The following XYLT1 variants were observed in gnomAD, a reference collection of about 807,000 sequenced individuals.
XYLT1 encodes xylosyltransferase 1, also known as beta-D-xylosyltransferase 1.
Under a neutral mutation model 91.3 loss-of-function variants are expected in XYLT1, and 36 were observed. The ratio of observed to expected loss-of-function variants is 0.39; its 90% CI spans 0.30 to 0.52. The LOEUF is 0.52. Ranked by LOEUF, XYLT1 falls within the 20% of genes least tolerant of loss-of-function variation. XYLT1 has a pLI of 0.68. For missense variants in XYLT1, 1,242 were observed against 1,284.5 expected (o/e 0.97, Z 0.51); for synonymous variants, 588 against 532.0 (o/e 1.11, Z -1.45).
chr16:17,158,948 C>G (rs374743116), intron 5 of XYLT1, 39 bp from the exon 6 acceptor site: 44 of 1,573,434 alleles, frequency 2.8e-5, no homozygotes, highest in Non-Finnish European at 3.6e-5. Context: ...GGCCAGACAC[C>G]GTGGGTACTG....
intron 3 of XYLT1, among the ~76,000 whole-genome samples, chr16:17,248,124 G>A (rs1321426715): frequency 6.6e-6 from 1 of 152,152 alleles, no homozygotes; most frequent in Non-Finnish European, 1.5e-5. Context: ...AATCATGGGG[G>A]TGAGTTTTTC....
intron 1 of XYLT1, among the ~76,000 whole-genome samples, chr16:17,405,389 G>T (rs1036410103): frequency 6.6e-6 from 1 of 152,310 alleles, no homozygotes; most frequent in Non-Finnish European, 1.5e-5. Context: ...ATCCGTGCTC[G>T]CAGCAGCCAA....
At chr16:17,298,648 C>G (rs1157676012) in intron 2 of XYLT1, among the ~76,000 whole-genome samples, 1 of 152,192 alleles carries the variant, frequency 6.6e-6, no homozygotes, top group Non-Finnish European at 1.5e-5. Context: ...TGGCCTCAGT[C>G]TTCACCCGGC....
chr16:17,147,201 G>GC (rs776942571), intron 6 of XYLT1, among the ~76,000 whole-genome samples: 3 of 152,144 alleles, frequency 2.0e-5, no homozygotes, highest in Non-Finnish European at 4.4e-5. Context: ...ATCAAAGGAA[G>GC]CCCCTGAGTT....
chr16:17,129,529 G>A (rs2030392604), intron 9 of XYLT1, among the ~76,000 whole-genome samples: 2 of 152,170 alleles, frequency 1.3e-5, no homozygotes, highest in Non-Finnish European at 2.9e-5. Flanking sequence ...GCCTCCCAAA[G>A]TGCTGGGATT....
chr16:17,425,716 T>C (rs1248835857), intron 1 of XYLT1, among the ~76,000 whole-genome samples: 4 of 152,216 alleles, frequency 2.6e-5, no homozygotes, highest in African/African-American at 4.8e-5. Flanking sequence ...ATGGTTTTCT[T>C]TCCCCCAGCA....
intron 2 of XYLT1, among the ~76,000 whole-genome samples, chr16:17,263,573 C>G (rs16968658): frequency 0.021 from 3,200 of 151,860 alleles, 108 homozygotes; most frequent in African/African-American, 0.072. Context: ...GATACTAGAT[C>G]GCTTCCAGAA....
chr16:17,409,189 G>A (rs2036074300), intron 1 of XYLT1, among the ~76,000 whole-genome samples: 1 of 152,186 alleles, frequency 6.6e-6, no homozygotes, highest in South Asian at 2.1e-4. Flanking sequence ...AACAGGTCAA[G>A]CTCCAACTTG....
intron 5 of XYLT1, among the ~76,000 whole-genome samples, chr16:17,189,286 G>A (rs992167355): frequency 1.3e-5 from 2 of 152,172 alleles, no homozygotes; most frequent in African/African-American, 4.8e-5. Context: ...AATCACTGAA[G>A]TTTCTTTCCC....
chr16:17,419,804 G>T (rs548074524), intron 1 of XYLT1, among the ~76,000 whole-genome samples: 1 of 152,274 alleles, frequency 6.6e-6, no homozygotes, highest in South Asian at 2.1e-4. Flanking sequence ...TTGAAAGAGA[G>T]GGAGCCTGCT....
intron 1 of XYLT1, among the ~76,000 whole-genome samples, chr16:17,358,940 T>A (rs2035344288): frequency 6.6e-6 from 1 of 152,158 alleles, no homozygotes; most frequent in Admixed American, 6.5e-5. Context: ...TCATTCACTC[T>A]GTACAAAAGC....
intron 2 of XYLT1, among the ~76,000 whole-genome samples, chr16:17,311,783 G>C (rs560097803): frequency 2.1e-5 from 3 of 141,084 alleles, no homozygotes; most frequent in African/African-American, 7.6e-5. Context: ...CAAGTGGCTG[G>C]GGAGGCCGCA....
At chr16:17,175,223 C>G (rs2031914985) in intron 5 of XYLT1, among the ~76,000 whole-genome samples, 3 of 152,134 alleles carry the variant, frequency 2.0e-5, no homozygotes, top group African/African-American at 7.2e-5. Flanking sequence ...ACGCTATCCA[C>G]CTAATCCTCA....
At chr16:17,225,516 C>T (rs1183363575) in intron 3 of XYLT1, among the ~76,000 whole-genome samples, 1 of 152,110 alleles carries the variant, frequency 6.6e-6, no homozygotes, top group African/African-American at 2.4e-5. Context: ...AAGTTTTCTG[C>T]CTAATTTCTT....
chr16:17,397,286 A>G (rs1445709434), intron 1 of XYLT1, among the ~76,000 whole-genome samples: 1 of 152,156 alleles, frequency 6.6e-6, no homozygotes, highest in African/African-American at 2.4e-5. Flanking sequence ...ATCGACCTCT[A>G]TCTGAATCAA....
Position 17,200,510 on chromosome 16 carries a change from T to C in XYLT1, c.1058A>G (p.Asp353Gly). ...GTCCACGTGGATGTAGTAGAAGTGG[T>C]CTTTGTGGTAGATGGCCTTGAACAT... ...QRMFKAIYHK[D>G]HFYYIHVDKR... The change falls in exon 4 of 12, where the codon GAC (aspartate) becomes GGC (glycine). Residue 353 changes from aspartate (D) to glycine (G), a missense_variant. Asp to Gly is a moderately conservative substitution (Grantham distance 94). Around this residue, in one of 3 missense-constraint regions of XYLT1, gnomAD observed 294 missense variants for 376.0 expected, o/e 0.78. Coordinates refer to ENST00000261381, the MANE Select transcript of XYLT1 (RefSeq NM_022166.4). The C allele has an allele frequency of 6.2e-7, 1 of 1,614,034 alleles. No individual in the cohort carries two copies. Among genetic ancestry groups the C allele is most frequent in the Non-Finnish European group, 8.5e-7 (1 of 1,179,932 alleles).
chr16:17,123,684 A>G (rs1380696127), intron 10 of XYLT1, among the ~76,000 whole-genome samples: 2 of 152,180 alleles, frequency 1.3e-5, no homozygotes, highest in African/African-American at 4.8e-5. Flanking sequence ...GTACCTGTTA[A>G]GTCCATTTGT....
intron 2 of XYLT1, among the ~76,000 whole-genome samples, chr16:17,346,237 G>A (rs1312401024): frequency 7.2e-5 from 11 of 152,182 alleles, no homozygotes; most frequent in South Asian, 2.1e-4. Context: ...CACGAGGCCC[G>A]TTCTCACCTC....
intron 2 of XYLT1, among the ~76,000 whole-genome samples, chr16:17,264,851 A>T (rs751121279): frequency 6.6e-6 from 1 of 152,178 alleles, no homozygotes; most frequent in Non-Finnish European, 1.5e-5. Context: ...CCTCATTTAA[A>T]ACATTGGGAT....
Sources: allele counts gnomAD v4.1 joint callset (sites outside exome capture counted in the v4.1 genomes callset), GRCh38; gene constraint gnomAD v4.1.1; regional missense constraint gnomAD v4.1.1; transcripts MANE v1.5; gene names NCBI Gene and HGNC (gene_info 2026-07-23, HGNC 2026-07-21).